The following DSP variants were observed in gnomAD, a reference collection of about 807,000 sequenced individuals.
DSP encodes desmoplakin, also known as 250/210 kDa paraneoplastic pemphigus antigen.
In DSP, 114 loss-of-function variants were observed where a neutral mutation model predicts 290.6. That is an observed-to-expected ratio of 0.39 (90% CI 0.34 to 0.46). DSP has a LOEUF of 0.46. Ranked by LOEUF, DSP falls within the 20% of genes least tolerant of loss-of-function variation. The pLI is 0.99. For synonymous variants in DSP, 1,311 were observed against 1,316.4 expected (o/e 1.00, Z 0.09); for missense variants, 3,230 against 3,495.8 (o/e 0.92, Z 1.92).
chr6:7,583,741 G>A lies in DSP; in HGVS notation c.6479G>A (p.Arg2160Gln), dbSNP rs146642551. Residue 2160 changes from arginine to glutamine, a missense_variant, in exon 24 of 24, where the codon CGA becomes CAA. Physicochemically the swap from Arg to Gln is conservative, Grantham distance 43. Transcript: ENST00000379802. The surrounding 1 kb of genome is among the most constrained non-coding windows in gnomAD (Gnocchi z 4.0). Reference sequence around the variant, plus strand: ...GGGCTGATTGATAGAGATTTGTATCGATCCCTGAATGATCCCCGAGATAGT... The same window carrying A: ...GGGCTGATTGATAGAGATTTGTATCAATCCCTGAATGATCCCCGAGATAGT... Reference protein sequence around the residue: ...ARGLIDRDLYRSLNDPRDSQK... With the variant: ...ARGLIDRDLYQSLNDPRDSQK... The A allele has an allele frequency of 4.0e-5, 65 of 1,613,870 alleles. No homozygotes were observed. The highest frequency in any genetic ancestry group is 1.2e-4 in the African/African-American group (9 of 74,878).
At chr6:7,575,195 AAGTGTTTTATAAACTTT>A (rs1473480775) in intron 17 of DSP, 83 bp from the exon 18 acceptor site, 3 of 1,114,158 alleles carry the variant, frequency 2.7e-6, no homozygotes, top group Non-Finnish European at 4.0e-6. Context: ...GAATATTCTA[AAGTGTTTTATAAACTTT>A]GCCGCCCAAT....
In DSP at chr6:7,578,471, A is replaced by G. The variant is rs752344739; in HGVS notation, c.2993A>G (p.Asp998Gly). 1 of 1,613,352 alleles carries G rather than the reference A, an allele frequency of 6.2e-7. No individual in the cohort carries two copies. The highest frequency in any genetic ancestry group is 8.5e-7 in the Non-Finnish European group (1 of 1,179,596). The change falls in exon 22 of 24, where the codon GAT becomes GGT. Residue 998 changes from aspartate (D) to glycine (G), a missense_variant. Around this residue, in one of 5 missense-constraint regions of DSP, gnomAD observed 1,714 missense variants for 1,844.5 expected, o/e 0.93. Coordinates refer to ENST00000379802, the MANE Select transcript of DSP (RefSeq NM_004415.4). ...TCCTTCCTTTTCTCCAAGGCTGCAG[A>G]TGTTCATGCTCGGTACATTGAACTA... ...PSGVILQEAA[D>G]VHARYIELLT...
At position 7,586,224 on chromosome 6, in the gene DSP, A is replaced by G. The variant is rs1759669880; in HGVS notation, c.*346A>G. On this transcript the variant is annotated 3_prime_UTR_variant, in exon 24 of 24. Coordinates refer to ENST00000379802, the MANE Select transcript of DSP (RefSeq NM_004415.4). ...CTATAATACAGTTTTCTATTCTTGG[A>G]GATAAAAATTAAATGGATCACTGAT... The G allele has an allele frequency of 5.2e-6, 1 of 193,044 alleles. No homozygotes were observed. The highest frequency in any genetic ancestry group is 2.4e-5 in the African/African-American group (1 of 42,218). 12.0% of individuals were successfully genotyped at this position (193,044 alleles called of 1,614,324 possible).
intron 7 of DSP, among the ~76,000 whole-genome samples, chr6:7,566,019 T>C (rs984930141): frequency 2.6e-5 from 4 of 152,210 alleles, no homozygotes; most frequent in Non-Finnish European, 5.9e-5. Flanking sequence ...CCTTGTTTAA[T>C]ATCCCAGAAG....
At chr6:7,548,815 A>T (rs1026445529) in intron 1 of DSP, among the ~76,000 whole-genome samples, 8 of 152,194 alleles carry the variant, frequency 5.3e-5, no homozygotes, top group African/African-American at 1.9e-4. Context: ...CAGGGTAATG[A>T]GATGAGCCAT....
At chr6:7,571,769 G>T in intron 14 of DSP, 73 bp from the exon 15 acceptor site, 4 of 1,536,346 alleles carry the variant, frequency 2.6e-6, no homozygotes, top group Non-Finnish European at 3.6e-6. Context: ...AGGTAGTATG[G>T]ATGTTTTTTG....
intron 16 of DSP, 79 bp from the exon 17 acceptor site, chr6:7,574,578 A>T: frequency 1.5e-5 from 24 of 1,595,112 alleles, no homozygotes; most frequent in Non-Finnish European, 2.0e-5. Flanking sequence ...GTTCCCTTTC[A>T]TTACTAGCTG....
Position 7,562,650 on chromosome 6 carries a change from A to C in DSP, c.598-2A>C, listed in dbSNP as rs769107659. 1 of 1,614,092 alleles carries C rather than the reference A, an allele frequency of 6.2e-7. No homozygotes were observed. The highest frequency in any genetic ancestry group is 8.5e-7 in the Non-Finnish European group (1 of 1,179,956). ...GCGCCTCTCTTTGTCTTTGTGTCGC[A>C]GGCGGAGATGGACATGGTGGCCTGG... On this transcript the variant is annotated splice_acceptor_variant, in intron 4 of 23. Transcript: ENST00000379802. LOFTEE classifies it high-confidence loss of function.
At position 7,582,554 on chromosome 6, in the gene DSP, A is replaced by G. The variant is rs1236474488; in HGVS notation, c.5380-88A>G. The G allele has an allele frequency of 3.5e-6, 4 of 1,142,388 alleles. No homozygotes were observed. Among genetic ancestry groups the G allele is most frequent in the Non-Finnish European group, 5.2e-6 (4 of 775,448 alleles). 70.8% of individuals were successfully genotyped at this position (1,142,388 alleles called of 1,614,324 possible). ...AAGCAAGGCTTTTTTTTTTAAAGATAGATACACAAAAGAAAGTTAAGTCGT... is the reference window on the plus strand; with the variant it reads ...AAGCAAGGCTTTTTTTTTTAAAGATGGATACACAAAAGAAAGTTAAGTCGT... On this transcript the variant is annotated intron_variant, in intron 23 of 23. Coordinates refer to ENST00000379802, the MANE Select transcript of DSP (RefSeq NM_004415.4). This position sits in a 1 kb window ranked among gnomAD's most constrained non-coding sequence, Gnocchi z 4.2.
At chr6:7,557,396 T>A (rs1167318462) in intron 2 of DSP, among the ~76,000 whole-genome samples, 1 of 152,162 alleles carries the variant, frequency 6.6e-6, no homozygotes, top group Non-Finnish European at 1.5e-5. Context: ...AACTAAAACG[T>A]TGGCCAGGCG....
chr6:7,571,873 C>T lies in DSP; in HGVS notation c.1935C>T (p.Thr645=), dbSNP rs1207022640. ...CAACTGAAATCACTCATCATGGAACCTGCCAAGATGTCAACCATAATAAAG... is the reference window on the plus strand; with the variant it reads ...CAACTGAAATCACTCATCATGGAACTTGCCAAGATGTCAACCATAATAAAG... ...VTTTEITHHG[T]CQDVNHNKVI... The change falls in exon 15 of 24, where the codon ACC becomes ACT. Residue 645 remains threonine, a synonymous_variant. Coordinates refer to ENST00000379802, the MANE Select transcript of DSP (RefSeq NM_004415.4). 6.2e-7 allele frequency: 1 copy of T among 1,613,602 alleles called. No homozygotes were observed. The highest frequency in any genetic ancestry group is 1.1e-5 in the South Asian group (1 of 91,084).
chr6:7,555,044 C>T (rs956774815), intron 1 of DSP, among the ~76,000 whole-genome samples: 4 of 152,126 alleles, frequency 2.6e-5, no homozygotes, highest in Non-Finnish European at 5.9e-5. Flanking sequence ...GTGTCTGACA[C>T]CATGAGGTCT....
intron 1 of DSP, among the ~76,000 whole-genome samples, chr6:7,550,667 T>C (rs773036103): frequency 5.9e-5 from 9 of 152,204 alleles, no homozygotes; most frequent in Non-Finnish European, 1.0e-4. Flanking sequence ...GTAATATGAC[T>C]CATTTATCTC....
rs1445826095 is a variant in DSP, at chr6:7,579,310, G to A, written c.3120G>A (p.Glu1040=). 1 of 1,614,040 alleles carries A rather than the reference G, an allele frequency of 6.2e-7. No homozygotes were observed. Among genetic ancestry groups the A allele is most frequent in the African/African-American group, 1.3e-5 (1 of 74,918 alleles). Residue 1040 remains glutamate (E), a synonymous_variant, in exon 23 of 24, where the codon GAG becomes GAA. Coordinates refer to ENST00000379802, the MANE Select transcript of DSP (RefSeq NM_004415.4). This position sits in a 1 kb window ranked among gnomAD's most constrained non-coding sequence, Gnocchi z 4.1. ...KNTKIEVLEE[E]LRLARDANSE... is the part of the protein sequence containing the mutation. ...CCAAGATCGAAGTTTTGGAAGAGGA[G>A]CTCAGACTGGCCCGAGATGCCAACT...
Position 7,574,215 on chromosome 6 carries a change from G to T in DSP, c.2260G>T (p.Glu754Ter). 6.2e-7 allele frequency: 1 copy of T among 1,614,000 alleles called. No homozygotes were observed. The highest frequency in any genetic ancestry group is 8.5e-7 in the Non-Finnish European group (1 of 1,179,954). Residue 754 changes from glutamate (E) to a stop codon, truncating the protein, a stop_gained, in exon 16 of 24, where the codon GAA becomes TAA. Transcript: ENST00000379802. LOFTEE classifies it high-confidence loss of function. ...AGTATTTGGACTATTTCAGAAACTG[G>T]AAAATATCAATGGTGTTACAGATGG... ...NEVFGLFQKL[E>*]NINGVTDGYL...
intron 3 of DSP, among the ~76,000 whole-genome samples, 168 bp from the exon 4 acceptor site, chr6:7,559,058 T>C (rs1758592275): frequency 6.6e-6 from 1 of 152,062 alleles, no homozygotes; most frequent in South Asian, 2.1e-4. Flanking sequence ...ATTTTTTGTA[T>C]GTGATTAAGA....
chr6:7,569,487 C>T, intron 12 of DSP, 147 bp downstream of exon 12: 2 of 1,189,426 alleles, frequency 1.7e-6, no homozygotes, highest in Non-Finnish European at 2.4e-6. Context: ...TGAAGGTCAC[C>T]TTCACTTTGT....
rs925914807 is a variant in DSP at position 7,565,098 on chromosome 6, C to T, written c.778-261C>T. ...GGGGGAGGTTGCAGTGAACCGAGAT[C>T]GCTCATGCCACTGCACTCCAGCCTG... On this transcript the variant is annotated intron_variant, in intron 6 of 23. Transcript: ENST00000379802. The surrounding 1 kb of genome is among the most constrained non-coding windows in gnomAD (Gnocchi z 4.2). Among the ~76,000 whole-genome samples, 2 of 152,016 alleles carry T rather than the reference C, an allele frequency of 1.3e-5. No homozygotes were observed. Among genetic ancestry groups the T allele is most frequent in the African/African-American group, 4.8e-5 (2 of 41,380 alleles).
rs397516958 is a variant in DSP, at chr6:7,584,850, A to T, written c.7588A>T (p.Ile2530Phe). 3.1e-6 allele frequency: 5 copies of T among 1,614,108 alleles called. No homozygotes were observed. Among genetic ancestry groups the T allele is most frequent in the Non-Finnish European group, 4.2e-6 (5 of 1,180,044 alleles). Reference protein sequence around the residue: ...VDRKTGSQYDIQDAIDKGLVD... With the variant: ...VDRKTGSQYDFQDAIDKGLVD... ...TAGAAAGACAGGCAGTCAGTATGAT[A>T]TTCAAGATGCTATTGACAAGGGCCT... is the stretch of plus-strand genomic sequence containing the variant. Residue 2530 changes from isoleucine (I) to phenylalanine (F), a missense_variant, in exon 24 of 24, where the codon ATT becomes TTT. Transcript: ENST00000379802. The surrounding 1 kb of genome is among the most constrained non-coding windows in gnomAD (Gnocchi z 6.4).
Sources: allele counts gnomAD v4.1 joint callset (sites outside exome capture counted in the v4.1 genomes callset), GRCh38; gene constraint gnomAD v4.1.1; regional missense constraint gnomAD v4.1.1; non-coding constraint Gnocchi (gnomAD v3.1); transcripts MANE v1.5; gene names NCBI Gene and HGNC (gene_info 2026-07-23, HGNC 2026-07-21).